GAMT: variants seen among roughly 807,000 people sequenced by gnomAD.
The protein encoded by GAMT is epididymis secretory protein Li 20.
In GAMT, 26 loss-of-function variants were observed where a neutral mutation model predicts 26.9. The observed-to-expected ratio is 0.97, with a 90% CI of 0.71 to 1.34. The LOEUF is 1.34. Among genes scored for constraint, GAMT ranks in the 40% most tolerant of loss-of-function variants. The pLI is 0.00. For missense variants in GAMT, 412 were observed against 345.0 expected, an observed-to-expected ratio of 1.19 and a Z score of -1.54; for synonymous variants, 169 against 149.6, an observed-to-expected ratio of 1.13 and a Z score of -0.95.
Position 1,401,423 on chromosome 19 carries a change from G to C in GAMT, c.54C>G (p.Pro18=). Residue 18 remains proline, a synonymous_variant, in exon 1 of 6, where the codon CCC becomes CCG. Coordinates refer to ENST00000252288, the MANE Select transcript of GAMT (RefSeq NM_000156.6). Reference sequence around the variant, plus strand: ...AGGCCGCGGGCGCCGCCCCCCACGCGGGGCTGCAGTTCTCGCCGGGCGCGA... The same window carrying C: ...AGGCCGCGGGCGCCGCCCCCCACGCCGGGCTGCAGTTCTCGCCGGGCGCGA... ...PIFAPGENCS[P]AWGAAPAAYD... The C allele has an allele frequency of 7.0e-7, 1 of 1,437,222 alleles. No individual in the cohort carries two copies. Among genetic ancestry groups the C allele is most frequent in the Non-Finnish European group, 9.1e-7 (1 of 1,095,840 alleles). The allele number at this position is 1,437,222 out of a possible 1,614,324, so 89.0% of individuals were successfully genotyped here. A position where few individuals can be genotyped will look rare whatever the true frequency, so the allele number is the denominator to read the frequency against.
Position 1,399,535 on chromosome 19 carries a change from C to A in GAMT, c.380G>T (p.Gly127Val). The A allele has an allele frequency of 6.2e-7, 1 of 1,613,028 alleles. No individual in the cohort carries two copies. Among genetic ancestry groups the A allele is most frequent in the East Asian group, 2.2e-5 (1 of 44,868 alleles). The change falls in exon 3 of 6, where the codon GGT (glycine) becomes GTT (valine). Residue 127 changes from glycine to valine, a missense_variant. By Grantham distance (109) the Gly-to-Val change is moderately radical. Coordinates refer to ENST00000252288, the MANE Select transcript of GAMT (RefSeq NM_000156.6). The surrounding 1 kb of genome is among the most constrained non-coding windows in gnomAD (Gnocchi z 6.2). ...CCCTCACCCCTCACCATCAAAGTGA[C>A]CGTCAGGCAGGGTGGGTGCCACATC... ...WEDVAPTLPD[G>V]HFDGILYDTY... is the part of the protein sequence containing the mutation.
Position 1,399,333 on chromosome 19 carries a change from G to A in GAMT, c.392-138C>T. The A allele has an allele frequency of 9.0e-7, 1 of 1,114,980 alleles. No individual in the cohort carries two copies. The highest frequency in any genetic ancestry group is 1.3e-6 in the Non-Finnish European group (1 of 745,362). The allele number at this position is 1,114,980 out of a possible 1,614,324, so 69.1% of individuals were successfully genotyped here. A position where few individuals can be genotyped will look rare whatever the true frequency, so the allele number is the denominator to read the frequency against. On this transcript the variant is annotated intron_variant, in intron 3 of 5. Transcript: ENST00000252288. The surrounding 1 kb of genome is among the most constrained non-coding windows in gnomAD (Gnocchi z 6.2). ...AGGTGGGGCTCCCACACAGGCTTGA[G>A]AACCCCGAGATCGCCTCCAGGGCCC... is the stretch of plus-strand genomic sequence containing the variant.
At chr19:1,398,754 C>G in intron 5 of GAMT, 162 bp downstream of exon 5, 2 of 1,548,330 alleles carry the variant, frequency 1.3e-6, no homozygotes, top group Non-Finnish European at 1.7e-6. Context: ...GCCACTGCGC[C>G]AGGCAAAGGA....
At chr19:1,401,259 G>A (rs2082631802) in intron 1 of GAMT, 37 bp downstream of exon 1, 2 of 1,392,130 alleles carry the variant, frequency 1.4e-6, no homozygotes, top group South Asian at 1.5e-5. Context: ...AGTTTCCCCT[G>A]CGCCCCCGGG....
In GAMT at chr19:1,397,047, C is replaced by T. The variant is rs1486565006; in HGVS notation, c.*312G>A. The stretch of plus-strand genomic sequence containing the variant: ...ACTTTTCCTGTGTCCATGGGATGGG[C>T]GGGAGGTGAGGGAGCAGCCGCTGGA... On this transcript the variant is annotated 3_prime_UTR_variant, in exon 6 of 6. Transcript: ENST00000252288. 1.6e-5 allele frequency: 6 copies of T among 378,030 alleles called. No homozygotes were observed. The highest frequency in any genetic ancestry group is 9.6e-5 in the South Asian group (3 of 31,284). 23.4% of individuals were successfully genotyped at this position (378,030 alleles called of 1,614,324 possible).
chr19:1,399,640 C>T lies in GAMT; in HGVS notation c.328-53G>A. ...GACAGGGTAGAGAGGTCCCCAGGATCTCCCCACCTGCAGAAAGGGAGCGGC... is the reference window on the plus strand; with the variant it reads ...GACAGGGTAGAGAGGTCCCCAGGATTTCCCCACCTGCAGAAAGGGAGCGGC... On this transcript the variant is annotated intron_variant, in intron 2 of 5. Transcript: ENST00000252288. The surrounding 1 kb of genome is among the most constrained non-coding windows in gnomAD (Gnocchi z 6.2). The T allele has an allele frequency of 6.3e-7, 1 of 1,575,054 alleles. No individual in the cohort carries two copies. The highest frequency in any genetic ancestry group is 8.7e-7 in the Non-Finnish European group (1 of 1,155,746).
At position 1,397,270 on chromosome 19, in the gene GAMT, G is replaced by A; in HGVS notation, c.*89C>T. ...GAAAGCTTCTGGTGACACACAGCTG[G>A]GATCAGCCCAGGGCTGGTGCGACAC... is the stretch of plus-strand genomic sequence containing the variant. On this transcript the variant is annotated 3_prime_UTR_variant, in exon 6 of 6. Transcript: ENST00000252288. The A allele has an allele frequency of 6.9e-7, 1 of 1,455,870 alleles. No individual in the cohort carries two copies. 90.2% of individuals were successfully genotyped at this position (1,455,870 alleles called of 1,614,324 possible). A position where few individuals can be genotyped will look rare whatever the true frequency, so the allele number is the denominator to read the frequency against.
At chr19:1,398,502 C>G (rs2082613592) in intron 5 of GAMT, 1 of 566,724 alleles carries the variant, frequency 1.8e-6, no homozygotes, top group Admixed American at 3.1e-5. Context: ...GTGGTTCGAT[C>G]TGGGCTCACT....
chr19:1,397,402 T>C lies in GAMT; in HGVS notation c.668A>G (p.Tyr223Cys). The change falls in exon 6 of 6, where the codon TAC becomes TGC. Residue 223 changes from tyrosine to cysteine, a missense_variant. By Grantham distance (194) the Tyr-to-Cys change is radical (BLOSUM62 -2). Coordinates refer to ENST00000252288, the MANE Select transcript of GAMT (RefSeq NM_000156.6). The part of the protein sequence containing the change: ...ALVPPADCRY[Y>C]AFPQMITPLV... ...GGGCGTGATCATCTGTGGGAAGGCG[T>C]AGTAGCGGCAGTCGGCCGGTGGGAC... 2 of 1,612,374 alleles carry C rather than the reference T, an allele frequency of 1.2e-6. No homozygotes were observed. The highest frequency in any genetic ancestry group is 1.7e-4 in the Middle Eastern group (1 of 6,060).
Position 1,398,959 on chromosome 19 carries a change from T to C in GAMT, c.527A>G (p.Glu176Gly). The change falls in exon 5 of 6, where the codon GAG (glutamate) becomes GGG (glycine). Residue 176 changes from glutamate (E) to glycine (G), a missense_variant. Glu to Gly is a moderately conservative substitution (Grantham distance 98, BLOSUM62 -2). Transcript: ENST00000252288. Reference protein sequence around the residue: ...LTYCNLTSWGELMKSKYSDIT... With the variant: ...LTYCNLTSWGGLMKSKYSDIT... ...GTCTGAGTACTTGGACTTCATCAGC[T>C]CCCCCCAGGAGGTGAGGTTGCAGTA... 1 of 1,612,782 alleles carries C rather than the reference T, an allele frequency of 6.2e-7. No individual in the cohort carries two copies. The highest frequency in any genetic ancestry group is 8.5e-7 in the Non-Finnish European group (1 of 1,179,836).
intron 1 of GAMT, 70 bp downstream of exon 1, chr19:1,401,226 C>T (rs745814033): frequency 9.0e-5 from 112 of 1,247,200 alleles, no homozygotes; most frequent in Non-Finnish European, 1.1e-4. Flanking sequence ...GCAGAGTCCC[C>T]GGGTCGGGGC....
At chr19:1,398,426 T>TTCTC (rs1375969378) in intron 5 of GAMT, 1 of 362,590 alleles carries the variant, frequency 2.8e-6, no homozygotes, top group East Asian at 4.4e-5. Flanking sequence ...TAAATTTTCT[T>TTCTC]TCTTTCTTTC....
chr19:1,400,033 T>A, intron 1 of GAMT, 95 bp from the exon 2 acceptor site: 1 of 1,381,294 alleles, frequency 7.2e-7, no homozygotes, highest in South Asian at 1.3e-5. Flanking sequence ...CTGGGGAGAC[T>A]GCCTGGAGGA....
intron 5 of GAMT, chr19:1,398,383 C>T (rs1013003568): frequency 1.1e-5 from 3 of 276,882 alleles, no homozygotes; most frequent in Non-Finnish European, 2.0e-5. Flanking sequence ...CAGGTGTGAG[C>T]CACCACGCCC....
At position 1,397,088 on chromosome 19, in the gene GAMT, C is replaced by A; in HGVS notation, c.*271G>T. ...AGCCGCTGGAAGTAACAGTCGCACG[C>A]TCACTGCCGACTGGCCAAGCCCAGC... On this transcript the variant is annotated 3_prime_UTR_variant, in exon 6 of 6. Coordinates refer to ENST00000252288, the MANE Select transcript of GAMT (RefSeq NM_000156.6). 2.1e-6 allele frequency: 1 copy of A among 486,878 alleles called. No homozygotes were observed. The highest frequency in any genetic ancestry group is 3.7e-6 in the Non-Finnish European group (1 of 267,256). The allele number at this position is 486,878 out of a possible 1,614,324, so 30.2% of individuals were successfully genotyped here.
Position 1,399,676 on chromosome 19 carries a change from C to T in GAMT, c.328-89G>A. The T allele has an allele frequency of 6.5e-7, 1 of 1,527,476 alleles. No homozygotes were observed. The highest frequency in any genetic ancestry group is 8.8e-7 in the Non-Finnish European group (1 of 1,131,280). 94.6% of individuals were successfully genotyped at this position (1,527,476 alleles called of 1,614,324 possible). ...CAGAAAGGGAGCGGCCAGGGGGACT[C>T]CCGAGAGAGAAGACCACCTCCTCCA... is the stretch of plus-strand genomic sequence containing the variant. On this transcript the variant is annotated intron_variant, in intron 2 of 5. Transcript: ENST00000252288. The surrounding 1 kb of genome is among the most constrained non-coding windows in gnomAD (Gnocchi z 6.2).
At chr19:1,400,701 C>T (rs1467642498) in intron 1 of GAMT, among the ~76,000 whole-genome samples, 2 of 152,198 alleles carry the variant, frequency 1.3e-5, no homozygotes, top group African/African-American at 4.8e-5. Context: ...CATGGGCCCC[C>T]CGCTCAATCC....
rs1004715502 is a variant in GAMT at position 1,401,228 on chromosome 19, G to A, written c.181+68C>T. ...GGGAGGGTGGGCTGCAGAGTCCCCG[G>A]GTCGGGGCAGCCCCGGCCTCAGTTT... is the stretch of plus-strand genomic sequence containing the variant. On this transcript the variant is annotated intron_variant, in intron 1 of 5. Transcript: ENST00000252288. 62 of 1,263,230 alleles carry A rather than the reference G, an allele frequency of 4.9e-5. No homozygotes were observed. The Admixed American group carries it at 5.0e-4, about 10-fold the overall frequency. 78.3% of individuals were successfully genotyped at this position (1,263,230 alleles called of 1,614,324 possible). A position where few individuals can be genotyped will look rare whatever the true frequency, so the allele number is the denominator to read the frequency against.
Position 1,401,471 on chromosome 19 carries a change from G to C in GAMT, c.6C>G (p.Ser2Arg). 7.4e-7 allele frequency: 1 copy of C among 1,359,444 alleles called. No individual in the cohort carries two copies. Among genetic ancestry groups the C allele is most frequent in the Non-Finnish European group, 9.5e-7 (1 of 1,055,246 alleles). 84.2% of individuals were successfully genotyped at this position (1,359,444 alleles called of 1,614,324 possible). Residue 2 changes from serine to arginine, a missense_variant, in exon 1 of 6, where the codon AGC becomes AGG. Transcript: ENST00000252288. ...CGAAGATGGGGGTCGCGCTGGGGGCGCTCATGCTGCAGGCTGGACGGCGAC... is the reference window on the plus strand; with the variant it reads ...CGAAGATGGGGGTCGCGCTGGGGGCCCTCATGCTGCAGGCTGGACGGCGAC... The part of the protein sequence containing the change: M[S>R]APSATPIFAP...
Sources: allele counts gnomAD v4.1 joint callset (sites outside exome capture counted in the v4.1 genomes callset), GRCh38; gene constraint gnomAD v4.1.1; non-coding constraint Gnocchi (gnomAD v3.1); transcripts MANE v1.5; gene names NCBI Gene and HGNC (gene_info 2026-07-23, HGNC 2026-07-21).